Variants in GATAD2A observed in about 807,000 individuals in gnomAD.
GATAD2A encodes transcriptional repressor p66-alpha.
GATAD2A carries 12 observed loss-of-function variants against 68.5 expected under a neutral mutation model. That is an observed-to-expected ratio of 0.18 (90% confidence interval 0.11 to 0.28). The LOEUF is 0.28. Ranked by LOEUF, GATAD2A falls within the 10% of genes least tolerant of loss-of-function variation. GATAD2A has a pLI of 1.00. For missense variants in GATAD2A, 755 were observed against 868.5 expected (o/e 0.87, Z 1.64); for synonymous variants, 410 against 375.3 (o/e 1.09, Z -1.07).
intron 1 of GATAD2A, among the ~76,000 whole-genome samples, chr19:19,413,480 G>A (rs2051207342): frequency 1.3e-5 from 2 of 152,136 alleles, no homozygotes; most frequent in African/African-American, 2.4e-5. Flanking sequence ...TGCCCACCCC[G>A]TTCAGTGGTG....
Position 19,398,672 on chromosome 19 carries a change from T to C in GATAD2A, c.-7+12534T>C, listed in dbSNP as rs1460955791. Among the ~76,000 whole-genome samples the C allele has an allele frequency of 2.7e-5, 4 of 148,682 alleles. No homozygotes were observed. In the East Asian group the frequency reaches 6.5e-4, roughly 24 times the overall value. On this transcript the variant is annotated intron_variant, in intron 1 of 11. Transcript: ENST00000360315. ...CTTACTTTCGGCTGGGTGTGGTGGC[T>C]CACGCCTGTAATCCCAACATTTTGG... is the stretch of plus-strand genomic sequence containing the variant.
upstream of GATAD2A, chr19:19,402,601 A>C (rs1449142543): frequency 6.7e-6 from 1 of 149,966 alleles, no homozygotes; most frequent in African/African-American, 2.4e-5. Flanking sequence ...AGACAGGAGA[A>C]TCTCTTGAGC....
intron 1 of GATAD2A, among the ~76,000 whole-genome samples, chr19:19,454,089 C>T (rs2056683440): frequency 6.6e-6 from 1 of 151,954 alleles, no homozygotes; most frequent in African/African-American, 2.4e-5. Context: ...CCTCTACTTC[C>T]TGGGTTCAAG....
At chr19:19,408,015 G>T (rs146414380) in intron 1 of GATAD2A, among the ~76,000 whole-genome samples, 1 of 152,132 alleles carries the variant, frequency 6.6e-6, no homozygotes, top group Non-Finnish European at 1.5e-5. Flanking sequence ...TTGTTTGTTT[G>T]TTTTTTTGAG....
chr19:19,426,578 T>A (rs1342269832), intron 1 of GATAD2A, among the ~76,000 whole-genome samples: 2 of 152,054 alleles, frequency 1.3e-5, no homozygotes, highest in Non-Finnish European at 2.9e-5. Context: ...AGATGCGATC[T>A]TGGCTCACTG....
chr19:19,501,787 C>T (rs749143777), intron 9 of GATAD2A, among the ~76,000 whole-genome samples, 182 bp from the exon 10 acceptor site: 6 of 152,186 alleles, frequency 3.9e-5, no homozygotes, highest in Non-Finnish European at 5.9e-5. Context: ...ACTCGAAGCT[C>T]CCTTTTGGCA....
intron 2 of GATAD2A, among the ~76,000 whole-genome samples, chr19:19,467,573 G>A (rs961633941): frequency 7.2e-5 from 11 of 152,000 alleles, no homozygotes; most frequent in African/African-American, 2.7e-4. Context: ...CCATATTGTT[G>A]TGCATACCAG....
chr19:19,502,134 T>C (rs1294524085), intron 10 of GATAD2A, 91 bp downstream of exon 10: 2 of 991,516 alleles, frequency 2.0e-6, no homozygotes, highest in East Asian at 2.4e-5. Flanking sequence ...CTCTTCTGTC[T>C]GTCTCTCCCT....
chr19:19,388,904 C>G (rs2048651572), intron 1 of GATAD2A, among the ~76,000 whole-genome samples: 1 of 151,972 alleles, frequency 6.6e-6, no homozygotes, highest in Non-Finnish European at 1.5e-5. Context: ...GTTCGTAGGC[C>G]AGTTTGGTTT....
chr19:19,452,018 T>C (rs1781744460), intron 1 of GATAD2A, among the ~76,000 whole-genome samples: 1 of 152,168 alleles, frequency 6.6e-6, no homozygotes, highest in South Asian at 2.1e-4. Flanking sequence ...AGATGTTTTC[T>C]GAGACAATTG....
intron 1 of GATAD2A, among the ~76,000 whole-genome samples, chr19:19,432,810 A>G (rs1458212023): frequency 1.3e-5 from 2 of 152,216 alleles, no homozygotes; most frequent in East Asian, 1.9e-4. Context: ...TTGGGTCTGC[A>G]GGCAGTGTGT....
chr19:19,427,403 GCA>G (rs879630493), intron 1 of GATAD2A: 5 of 134,222 alleles, frequency 3.7e-5, no homozygotes, highest in Non-Finnish European at 6.2e-5. Context: ...AGGGACAAAG[GCA>G]CACACACTCA....
intron 1 of GATAD2A, chr19:19,435,128 C>G: frequency 5.6e-6 from 3 of 533,086 alleles, no homozygotes; most frequent in South Asian, 4.2e-5. Context: ...TGGGCATGAT[C>G]CAGGAACCTG....
intron 1 of GATAD2A, among the ~76,000 whole-genome samples, chr19:19,397,593 A>G (rs1325902740): frequency 6.6e-5 from 10 of 152,168 alleles, no homozygotes; most frequent in Admixed American, 6.5e-4. Context: ...AGCCATCTAG[A>G]CTCTGTAATG....
rs946780767 is a variant in GATAD2A at position 19,418,177 on chromosome 19, G to A, written c.-7+12158G>A. Among the ~76,000 whole-genome samples, 5 of 152,154 alleles carry A rather than the reference G, an allele frequency of 3.3e-5. No individual in the cohort carries two copies. In the South Asian group the frequency reaches 1.0e-3, roughly 32 times the overall value. On this transcript the variant is annotated intron_variant, in intron 1 of 11. Transcript: ENST00000683918. ...TGGCCCTGGGCAGTCATTGTCAGCT[G>A]TGATGGCCGAGGATGCAGTGGGTGA...
At chr19:19,391,426 C>G (rs1425121513) in intron 1 of GATAD2A, among the ~76,000 whole-genome samples, 4 of 152,100 alleles carry the variant, frequency 2.6e-5, no homozygotes, top group African/African-American at 7.2e-5. Flanking sequence ...TCTTAAATTT[C>G]TTTCAATTCT....
At chr19:19,398,438 C>T (rs1000837159) in intron 1 of GATAD2A, among the ~76,000 whole-genome samples, 18 of 150,960 alleles carry the variant, frequency 1.2e-4, no homozygotes, top group Non-Finnish European at 2.1e-4. Context: ...TGACCTCAGG[C>T]GATCCGCTTG....
At chr19:19,484,935 G>C (rs574266261) in intron 2 of GATAD2A, among the ~76,000 whole-genome samples, 1 of 152,190 alleles carries the variant, frequency 6.6e-6, no homozygotes, top group African/African-American at 2.4e-5. Flanking sequence ...TCCAGGTGCT[G>C]CCTGAAGCTG....
chr19:19,426,086 C>T (rs1196876189), intron 1 of GATAD2A, among the ~76,000 whole-genome samples: 1 of 152,152 alleles, frequency 6.6e-6, no homozygotes, highest in African/African-American at 2.4e-5. Flanking sequence ...CTGCACCTGG[C>T]CCCTGCAGAC....
Sources: gnomAD v4.1 joint callset for allele counts (sites outside exome capture counted in the v4.1 genomes callset) on GRCh38, gnomAD v4.1.1 for gene constraint, MANE v1.5 for transcripts, NCBI Gene and HGNC (gene_info 2026-07-23, HGNC 2026-07-21) for gene names.